CFAP46: variants seen among roughly 807,000 people sequenced by gnomAD.
The protein encoded by CFAP46 is cilia- and flagella-associated protein 46.
In CFAP46, 245 loss-of-function variants were observed where a neutral mutation model predicts 325.7. That is an observed-to-expected ratio of 0.75 (90% CI 0.68 to 0.84). The LOEUF is 0.84. Among genes scored for constraint, CFAP46 ranks in the 40% least tolerant of loss-of-function variants. The pLI is 0.00. For synonymous variants in CFAP46, 1,523 were observed against 1,495.9 expected (o/e 1.02, Z -0.42); for missense variants, 3,346 against 3,543.0 (o/e 0.94, Z 1.41).
intron 50 of CFAP46, among the ~76,000 whole-genome samples, chr10:132,820,950 GTGTGC>G (rs1165585670): frequency 1.0e-5 from 1 of 98,332 alleles, no homozygotes. Context: ...TGTGTGCTGT[GTGTGC>G]TGATGTGTGC....
intron 50 of CFAP46, among the ~76,000 whole-genome samples, chr10:132,815,615 T>C (rs954151896): frequency 2.6e-5 from 4 of 152,224 alleles, no homozygotes; most frequent in African/African-American, 9.7e-5. Flanking sequence ...CTCTAGGACA[T>C]CTGTACGTTT....
At chr10:132,822,221 C>CTG (rs1847867400) in intron 50 of CFAP46, among the ~76,000 whole-genome samples, 6 of 118,004 alleles carry the variant, frequency 5.1e-5, no homozygotes, top group East Asian at 2.9e-4. Context: ...CTGATGTGTG[C>CTG]TGTGTGCGGT....
At chr10:132,906,600 G>A (rs112774210) in intron 22 of CFAP46, among the ~76,000 whole-genome samples, 54 of 57,822 alleles carry the variant, frequency 9.3e-4, no homozygotes, top group African/African-American at 3.0e-3. Flanking sequence ...GGGTCCTGGC[G>A]CGTGATGCCC....
intron 16 of CFAP46, 96 bp downstream of exon 16, chr10:132,918,297 G>C (rs1261904036): frequency 1.4e-6 from 1 of 703,010 alleles, no homozygotes; most frequent in Non-Finnish European, 1.8e-6. Flanking sequence ...CCTCAGCACC[G>C]ATGAACGCCC....
intron 44 of CFAP46, among the ~76,000 whole-genome samples, chr10:132,845,263 G>A (rs774644032): frequency 8.5e-5 from 13 of 152,184 alleles, no homozygotes; most frequent in Non-Finnish European, 1.9e-4. Flanking sequence ...TCAGAAGGAC[G>A]GCAGCTTTCC....
At chr10:132,851,560 C>T (rs368369158) in intron 39 of CFAP46, among the ~76,000 whole-genome samples, 14 of 152,210 alleles carry the variant, frequency 9.2e-5, no homozygotes, top group African/African-American at 2.9e-4. Flanking sequence ...AGCTGCCTGC[C>T]GGCACCCTGC....
chr10:132,927,980 C>G (rs1312717102), intron 9 of CFAP46, among the ~76,000 whole-genome samples: 1 of 152,202 alleles, frequency 6.6e-6, no homozygotes, highest in Non-Finnish European at 1.5e-5. Flanking sequence ...TGGGCAGAGG[C>G]CAACCGGGCA....
chr10:132,913,071 T>C lies in CFAP46; in HGVS notation c.2308A>G (p.Ile770Val). ...CCACTGTGGCCTGTGGCCTTAACGA[T>C]GCTCAGGAGGTGGTACAGGGCGTCC... Reference protein sequence around the residue: ...LVDALYHLLSIVKATGHSGDP... With the variant: ...LVDALYHLLSVVKATGHSGDP... Residue 770 changes from isoleucine to valine, a missense_variant, in exon 18 of 58, where the codon ATC becomes GTC. Ile to Val is a conservative substitution (Grantham distance 29, BLOSUM62 3). Coordinates refer to ENST00000368586, the MANE Select transcript of CFAP46 (RefSeq NM_001200049.3). 3 of 1,550,188 alleles carry C rather than the reference T, an allele frequency of 1.9e-6. No homozygotes were observed. Among genetic ancestry groups the C allele is most frequent in the Middle Eastern group, 1.7e-4 (1 of 5,914 alleles).
intron 50 of CFAP46, among the ~76,000 whole-genome samples, chr10:132,825,553 C>G (rs954627962): frequency 6.6e-6 from 1 of 152,142 alleles, no homozygotes; most frequent in Non-Finnish European, 1.5e-5. Flanking sequence ...TCTTACATGC[C>G]GGTCACACCT....
chr10:132,937,730 C>G (rs755264291), intron 5 of CFAP46, 55 bp from the exon 6 acceptor site: 67 of 1,546,932 alleles, frequency 4.3e-5, no homozygotes, highest in African/African-American at 5.5e-5. Context: ...TTTCTCCTAT[C>G]TAATAACCAG....
At chr10:132,892,826 T>C (rs1335797812) in intron 24 of CFAP46, among the ~76,000 whole-genome samples, 1 of 152,142 alleles carries the variant, frequency 6.6e-6, no homozygotes, top group Non-Finnish European at 1.5e-5. Context: ...TCCTTTTAGG[T>C]TGACACCATT....
At chr10:132,930,486 T>G (rs985621786) in intron 8 of CFAP46, among the ~76,000 whole-genome samples, 2 of 117,158 alleles carry the variant, frequency 1.7e-5, no homozygotes, top group African/African-American at 6.8e-5. Flanking sequence ...TTCCCCATAC[T>G]CCCCACACAG....
intron 32 of CFAP46, among the ~76,000 whole-genome samples, chr10:132,870,509 C>T (rs1359507257): frequency 6.6e-6 from 1 of 152,148 alleles, no homozygotes; most frequent in East Asian, 1.9e-4. Flanking sequence ...TGAGAAGCTC[C>T]TACAGGGAAC....
At chr10:132,936,580 C>T (rs1449731666) in intron 7 of CFAP46, among the ~76,000 whole-genome samples, 2 of 137,074 alleles carry the variant, frequency 1.5e-5, no homozygotes, top group African/African-American at 2.9e-5. Flanking sequence ...TCACTCCCCT[C>T]TGCCCCCAAA....
Position 132,929,632 on chromosome 10 carries a change from T to C in CFAP46, c.966+73A>G, listed in dbSNP as rs146351836. 117 of 1,422,840 alleles carry C rather than the reference T, an allele frequency of 8.2e-5. 1 individual carries two copies. The highest frequency in any genetic ancestry group is 1.1e-4 in the Non-Finnish European group (114 of 1,005,536). The allele number at this position is 1,422,840 out of a possible 1,614,324, so 88.1% of individuals were successfully genotyped here. ...CGTGGCCTGGTGAACTGCTCTTCCT[T>C]TCTTTGCCTTTTGTCCAACTGCACG... On this transcript the variant is annotated intron_variant, in intron 9 of 57. Transcript: ENST00000368586.
intron 50 of CFAP46, among the ~76,000 whole-genome samples, chr10:132,826,457 G>GAGCCATGGAGCCAGGCAGGAGCCA (rs1848054692): frequency 1.4e-5 from 1 of 69,224 alleles, no homozygotes; most frequent in Non-Finnish European, 3.5e-5. Context: ...GGCAGGAGCC[G>GAGCCATGGAGCCAGGCAGGAGCCA]GAGCCACAGA....
rs1295341329 is a variant in CFAP46, at chr10:132,885,849, G to C, written c.3415C>G (p.Gln1139Glu). ...GGLKVLDEAV[Q>E]VLPRTAHRLL... ...CGGTGGGCCGTCCTTGGCAGCACCT[G>C]CACAGCCTCGTCCAGCACCTTGAGG... Residue 1139 changes from glutamine to glutamate, a missense_variant, in exon 26 of 58, where the codon CAG (glutamine) becomes GAG (glutamate). Coordinates refer to ENST00000368586, the MANE Select transcript of CFAP46 (RefSeq NM_001200049.3). The C allele has an allele frequency of 2.6e-6, 4 of 1,549,020 alleles. No individual in the cohort carries two copies. Among genetic ancestry groups the C allele is most frequent in the Non-Finnish European group, 3.5e-6 (4 of 1,146,278 alleles).
chr10:132,939,689 C>T lies in CFAP46; in HGVS notation c.372-936G>A, dbSNP rs1183450515. 1.3e-5 allele frequency among the ~76,000 whole-genome samples: 2 copies of T among 152,146 alleles called. No homozygotes were observed. The highest frequency in any genetic ancestry group is 4.8e-5 in the African/African-American group (2 of 41,434). On this transcript the variant is annotated intron_variant, in intron 4 of 57. Coordinates refer to ENST00000368586, the MANE Select transcript of CFAP46 (RefSeq NM_001200049.3). This position sits in a 1 kb window ranked among gnomAD's most constrained non-coding sequence, Gnocchi z 4.6. ...GGAGGTGCGGGGTGTCCTGACCAGA[C>T]GGTCACGCCTGCTTGAGTCAGAGGG...
chr10:132,875,440 C>T (rs1013477652), intron 31 of CFAP46, among the ~76,000 whole-genome samples: 3 of 152,222 alleles, frequency 2.0e-5, no homozygotes, highest in South Asian at 2.1e-4. Flanking sequence ...ATAGCCCAAC[C>T]GTCCTGAAGA....
Sources: gnomAD v4.1 joint callset for allele counts (sites outside exome capture counted in the v4.1 genomes callset) on GRCh38, gnomAD v4.1.1 for gene constraint, Gnocchi (gnomAD v3.1) non-coding constraint, MANE v1.5 for transcripts, NCBI Gene and HGNC (gene_info 2026-07-23, HGNC 2026-07-21) for gene names.